APLF: variants seen among roughly 807,000 people sequenced by gnomAD.
APLF encodes aprataxin and PNKP like factor, also known as aprataxin and PNK-like factor.
APLF carries 61 observed loss-of-function variants against 55.6 expected under a neutral mutation model. That is an observed-to-expected ratio of 1.10 (90% CI 0.89 to 1.36). APLF has a LOEUF of 1.36. Among genes scored for constraint, APLF ranks in the 40% most tolerant of loss-of-function variants. The pLI, the probability that APLF is intolerant of heterozygous loss-of-function variation, is 0.00. For missense variants in APLF, 611 were observed against 602.5 expected (o/e 1.01, Z -0.15); for synonymous variants, 207 against 214.8 (o/e 0.96, Z 0.32).
Position 68,529,604 on chromosome 2 carries a change from G to A in APLF, c.804+3362G>A. 2.7e-6 allele frequency: 1 copy of A among 376,088 alleles called. No homozygotes were observed. The highest frequency in any genetic ancestry group is 3.7e-6 in the Non-Finnish European group (1 of 268,558). The allele number at this position is 376,088 out of a possible 1,614,324, so 23.3% of individuals were successfully genotyped here. On this transcript the variant is annotated intron_variant, in intron 6 of 9. Transcript: ENST00000303795. This position sits in a 1 kb window ranked among gnomAD's most constrained non-coding sequence, Gnocchi z 4.4. ...ACCATGGGGCTGGTGACAGAGCCAG[G>A]GTGTGGAGGAGTGCTTAGGAGCCCA... is the stretch of plus-strand genomic sequence containing the variant.
chr2:68,470,949 G>A (rs1675598085), intron 1 of APLF, among the ~76,000 whole-genome samples: 1 of 152,124 alleles, frequency 6.6e-6, no homozygotes, highest in South Asian at 2.1e-4. Flanking sequence ...CCCTGACCTG[G>A]CAGCTCTATA....
At chr2:68,510,176 C>G (rs577474760) in intron 3 of APLF, among the ~76,000 whole-genome samples, 1 of 151,658 alleles carries the variant, frequency 6.6e-6, no homozygotes, top group East Asian at 1.9e-4. Context: ...ATGTAACAAA[C>G]CTGCATGTTG....
At chr2:68,524,558 A>G (rs1428407407) in intron 5 of APLF, among the ~76,000 whole-genome samples, 1 of 152,230 alleles carries the variant, frequency 6.6e-6, no homozygotes, top group Non-Finnish European at 1.5e-5. Context: ...CAGACACTGT[A>G]TGGCCCACAG....
At chr2:68,563,358 A>G (rs773396170) in intron 8 of APLF, 89 of 982,810 alleles carry the variant, frequency 9.1e-5, no homozygotes, top group Non-Finnish European at 1.0e-4. Context: ...CTTCTTTCAT[A>G]GTTATTTGCT....
rs185515993 is a variant in APLF at position 68,579,304 on chromosome 2, T to A, written c.*1282T>A. On this transcript the variant is annotated 3_prime_UTR_variant, in exon 10 of 10. Transcript: ENST00000303795. Reference sequence around the variant, plus strand: ...TATTATTCTGATTTTTATCTCTTATTGTTATTTGGGAACTATTTTTCCCCT... The same window carrying A: ...TATTATTCTGATTTTTATCTCTTATAGTTATTTGGGAACTATTTTTCCCCT... The A allele has an allele frequency of 1.8e-5, 16 of 884,504 alleles. No individual in the cohort carries two copies. In the Admixed American group the frequency reaches 8.1e-4, roughly 45 times the overall value. 54.8% of individuals were successfully genotyped at this position (884,504 alleles called of 1,614,324 possible).
intron 1 of APLF, among the ~76,000 whole-genome samples, chr2:68,471,502 A>G (rs1230858471): frequency 1.3e-5 from 2 of 152,152 alleles, no homozygotes; most frequent in African/African-American, 2.4e-5. Context: ...TAAGGCTACA[A>G]CCTCACATGG....
intron 1 of APLF, among the ~76,000 whole-genome samples, chr2:68,480,631 C>T (rs1294858012): frequency 6.6e-6 from 1 of 151,808 alleles, no homozygotes; most frequent in Non-Finnish European, 1.5e-5. Context: ...ATTGCTCTGG[C>T]TAGGACTAAT....
intron 2 of APLF, among the ~76,000 whole-genome samples, chr2:68,499,640 A>G (rs1573180602): frequency 6.6e-6 from 1 of 152,150 alleles, no homozygotes; most frequent in African/African-American, 2.4e-5. Context: ...GGAGTTTGAG[A>G]CCAGCCTGGC....
Position 68,577,947 on chromosome 2 carries a change from A to C in APLF, c.1461A>C (p.Pro487=), listed in dbSNP as rs1376263884. 1 of 1,613,638 alleles carries C rather than the reference A, an allele frequency of 6.2e-7. No homozygotes were observed. The highest frequency in any genetic ancestry group is 2.2e-5 in the East Asian group (1 of 44,810). ...CAGATGAAGATTCTGACTGGGAACCAGGAAAGGAAGATGAAGAGAAGGAAG... is the reference window on the plus strand; with the variant it reads ...CAGATGAAGATTCTGACTGGGAACCCGGAAAGGAAGATGAAGAGAAGGAAG... The part of the protein sequence containing the change: ...EPTDEDSDWE[P]GKEDEEKEDV... The change falls in exon 10 of 10, where the codon CCA becomes CCC. Residue 487 remains proline, a synonymous_variant. Transcript: ENST00000303795.
intron 6 of APLF, chr2:68,531,447 T>G (rs1386791937): frequency 3.3e-5 from 5 of 152,176 alleles, no homozygotes; most frequent in Non-Finnish European, 7.3e-5. Context: ...TTCGAATATA[T>G]TCTCCTCACT....
rs1669699668 is a variant in APLF, at chr2:68,518,146, T to C, written c.622+4466T>C. Among the ~76,000 whole-genome samples the C allele has an allele frequency of 7.9e-5, 10 of 126,864 alleles. No individual in the cohort carries two copies. The South Asian group carries it at 2.4e-3, about 30-fold the overall frequency. The allele number at this position is 126,864 out of a possible 152,430, so 83.2% of individuals were successfully genotyped here. On this transcript the variant is annotated intron_variant, in intron 5 of 9. Transcript: ENST00000303795. ...ATTAATATATATTAATATATAATAATATATTATTAATGTATAATAGTAATA... is the reference window on the plus strand; with the variant it reads ...ATTAATATATATTAATATATAATAACATATTATTAATGTATAATAGTAATA...
intron 1 of APLF, among the ~76,000 whole-genome samples, chr2:68,484,585 G>A (rs368478488): frequency 7.9e-5 from 12 of 152,012 alleles, no homozygotes; most frequent in African/African-American, 2.7e-4. Context: ...CCAGCTACCC[G>A]GGAGGCTGAG....
chr2:68,578,283 T>A lies in APLF; in HGVS notation c.*261T>A. 1.7e-6 allele frequency: 2 copies of A among 1,181,868 alleles called. No individual in the cohort carries two copies. The highest frequency in any genetic ancestry group is 4.4e-5 in the South Asian group (2 of 45,250). The allele number at this position is 1,181,868 out of a possible 1,614,324, so 73.2% of individuals were successfully genotyped here. A position where few individuals can be genotyped will look rare whatever the true frequency, so the allele number is the denominator to read the frequency against. On this transcript the variant is annotated 3_prime_UTR_variant, in exon 10 of 10. Transcript: ENST00000303795. ...AGAGAAGGTAGAGTAAAAATGGATA[T>A]TTTTTATGTACTTTGTATATTGGTA...
intron 5 of APLF, among the ~76,000 whole-genome samples, chr2:68,519,057 A>G (rs368849133): frequency 3.5e-5 from 4 of 112,766 alleles, no homozygotes; most frequent in Admixed American, 9.8e-5. Flanking sequence ...TATAATATAT[A>G]ATTAATATAT....
At chr2:68,543,521 A>G (rs1383517487) in intron 7 of APLF, among the ~76,000 whole-genome samples, 2 of 152,226 alleles carry the variant, frequency 1.3e-5, no homozygotes, top group African/African-American at 4.8e-5. Context: ...AAATTAATAC[A>G]GTCATTTTGG....
intron 2 of APLF, among the ~76,000 whole-genome samples, chr2:68,500,968 T>C (rs1347154973): frequency 6.6e-6 from 1 of 152,220 alleles, no homozygotes; most frequent in African/African-American, 2.4e-5. Context: ...CTAAACATTG[T>C]TTAAATTGTA....
In APLF at chr2:68,529,385, AC is replaced by A; in HGVS notation, c.804+3144del. 1 of 1,286,454 alleles carries A rather than the reference AC, an allele frequency of 7.8e-7. No homozygotes were observed. Among genetic ancestry groups the A allele is most frequent in the East Asian group, 3.2e-5 (1 of 31,354 alleles). The allele number at this position is 1,286,454 out of a possible 1,614,324, so 79.7% of individuals were successfully genotyped here. On this transcript the variant is annotated intron_variant, in intron 6 of 9. Transcript: ENST00000303795. This position sits in a 1 kb window ranked among gnomAD's most constrained non-coding sequence, Gnocchi z 4.4. ...CCGGCCAGCTGGGAAGGCCTCACGGACAAGACGAGCAGGTTGCCGATGGCAT... is the reference window on the plus strand; with the variant it reads ...CCGGCCAGCTGGGAAGGCCTCACGGAAAGACGAGCAGGTTGCCGATGGCAT...
chr2:68,505,836 G>A (rs1676859428), intron 3 of APLF, among the ~76,000 whole-genome samples: 2 of 151,914 alleles, frequency 1.3e-5, no homozygotes. Flanking sequence ...TCATTACAAA[G>A]GCATGATTGA....
chr2:68,468,657 G>A (rs1037691489), intron 1 of APLF, among the ~76,000 whole-genome samples: 1 of 152,198 alleles, frequency 6.6e-6, no homozygotes, highest in Non-Finnish European at 1.5e-5. Context: ...GAATTCTATA[G>A]ATCTCTTAAG....
Sources: allele counts gnomAD v4.1 joint callset (sites outside exome capture counted in the v4.1 genomes callset), GRCh38; gene constraint gnomAD v4.1.1; non-coding constraint Gnocchi (gnomAD v3.1); transcripts MANE v1.5; gene names NCBI Gene and HGNC (gene_info 2026-07-23, HGNC 2026-07-21).